RAD51B: variants seen among roughly 807,000 people sequenced by gnomAD.
The protein encoded by RAD51B is RAD51 paralog B.
Under a neutral mutation model 42.2 loss-of-function variants are expected in RAD51B, and 38 were observed. The observed-to-expected ratio is 0.90, with a 90% confidence interval of 0.70 to 1.18. RAD51B has a LOEUF of 1.18. RAD51B is among the 50% of genes most tolerant of loss of function. The pLI is 0.00. For synonymous variants in RAD51B, 154 were observed against 145.2 expected (o/e 1.06, Z -0.43); for missense variants, 373 against 400.7 (o/e 0.93, Z 0.59).
intron 7 of RAD51B, among the ~76,000 whole-genome samples, chr14:68,047,354 C>G (rs2076319076): frequency 1.3e-5 from 2 of 152,008 alleles, no homozygotes; most frequent in South Asian, 4.2e-4. Context: ...GGCAATAAAG[C>G]CTTCTATCTG....
rs182711282 is a variant in RAD51B, at chr14:68,023,722, C to T, written c.756+136518C>T. Among the ~76,000 whole-genome samples, 455 of 152,152 alleles carry T rather than the reference C, an allele frequency of 3.0e-3. 3 individuals are homozygous for T. The highest frequency in any genetic ancestry group is 5.3e-3 in the Non-Finnish European group (358 of 67,994). Reference sequence around the variant, plus strand: ...TTTTGCTTGTTGAATTGTTTAAATTCCTTATAGATTCTGGATATTAGACCT... The same window carrying T: ...TTTTGCTTGTTGAATTGTTTAAATTTCTTATAGATTCTGGATATTAGACCT... On this transcript the variant is annotated intron_variant, in intron 7 of 10. Coordinates refer to ENST00000471583, the MANE Select transcript of RAD51B (RefSeq NM_133510.4).
chr14:68,430,641 A>G (rs1161899642), intron 9 of RAD51B, among the ~76,000 whole-genome samples: 1 of 152,186 alleles, frequency 6.6e-6, no homozygotes, highest in Non-Finnish European at 1.5e-5. Context: ...GCTTAAGGAG[A>G]TTTTAGGCTG....
intron 7 of RAD51B, among the ~76,000 whole-genome samples, chr14:68,075,514 A>G (rs1001732582): frequency 2.3e-4 from 35 of 152,166 alleles, no homozygotes; most frequent in African/African-American, 8.2e-4. Context: ...GACAAGGAAG[A>G]GAGACTGGGC....
Position 67,894,777 on chromosome 14 carries a change from T to A in RAD51B, c.756+7573T>A, listed in dbSNP as rs2043352792. Among the ~76,000 whole-genome samples, 6 of 152,232 alleles carry A rather than the reference T, an allele frequency of 3.9e-5. No individual in the cohort carries two copies. The South Asian group carries it at 1.2e-3, about 32-fold the overall frequency. On this transcript the variant is annotated intron_variant, in intron 7 of 10. Transcript: ENST00000471583. ...CTAGCTTTGGTCCTTAAATGTCCCATTCTTTTTTTCTTTTTATTTTTTGAG... is the reference window on the plus strand; with the variant it reads ...CTAGCTTTGGTCCTTAAATGTCCCAATCTTTTTTTCTTTTTATTTTTTGAG...
chr14:68,536,632 A>C (rs1887634673), intron 10 of RAD51B, among the ~76,000 whole-genome samples: 1 of 152,244 alleles, frequency 6.6e-6, no homozygotes, highest in Admixed American at 6.5e-5. Context: ...GTCTACCTCT[A>C]CAGCTTGAAG....
intron 7 of RAD51B, among the ~76,000 whole-genome samples, chr14:68,262,156 CGTGT>C (rs2080903616): frequency 2.0e-5 from 3 of 151,972 alleles, no homozygotes; most frequent in Admixed American, 2.0e-4. Context: ...TGTGCACACA[CGTGT>C]ATTTGTGATG....
chr14:68,536,341 C>T (rs1341727704), intron 10 of RAD51B, among the ~76,000 whole-genome samples: 1 of 152,208 alleles, frequency 6.6e-6, no homozygotes, highest in Non-Finnish European at 1.5e-5. Flanking sequence ...TGGCAGCCAC[C>T]ATTCCCAACC....
chr14:67,904,843 A>G (rs2043730363), intron 7 of RAD51B, among the ~76,000 whole-genome samples: 1 of 151,104 alleles, frequency 6.6e-6, no homozygotes, highest in Non-Finnish European at 1.5e-5. Context: ...TAGTTTGCAA[A>G]TATTTTCTCC....
At chr14:67,950,967 A>G (rs1455507334) in intron 7 of RAD51B, among the ~76,000 whole-genome samples, 1 of 152,216 alleles carries the variant, frequency 6.6e-6, no homozygotes, top group African/African-American at 2.4e-5. Flanking sequence ...AGACTTATCT[A>G]TTAGGTTTGA....
chr14:67,861,452 A>G (rs2042158972), intron 4 of RAD51B, among the ~76,000 whole-genome samples: 1 of 151,902 alleles, frequency 6.6e-6, no homozygotes, highest in Non-Finnish European at 1.5e-5. Flanking sequence ...CAGCCTGGGC[A>G]ACATGGTGAA....
At chr14:68,445,445 G>A (rs1343825673) in intron 9 of RAD51B, among the ~76,000 whole-genome samples, 1 of 152,158 alleles carries the variant, frequency 6.6e-6, no homozygotes, top group Non-Finnish European at 1.5e-5. Flanking sequence ...CTAAAGTGCT[G>A]TGCATGTATT....
chr14:68,100,374 G>T (rs2077267939), intron 7 of RAD51B, among the ~76,000 whole-genome samples: 1 of 152,116 alleles, frequency 6.6e-6, no homozygotes, highest in Admixed American at 6.5e-5. Flanking sequence ...TAGAGACAGG[G>T]TCTCACTGTG....
intron 7 of RAD51B, among the ~76,000 whole-genome samples, chr14:68,105,947 CA>C (rs1483879499): frequency 6.6e-6 from 1 of 151,802 alleles, no homozygotes; most frequent in Non-Finnish European, 1.5e-5. Flanking sequence ...GCTTTTAAAC[CA>C]ATTAGTTAGT....
chr14:68,252,325 T>C (rs1375793594), intron 7 of RAD51B, among the ~76,000 whole-genome samples: 2 of 152,208 alleles, frequency 1.3e-5, no homozygotes. Flanking sequence ...ATTATATGAA[T>C]GGAAGAGGGA....
rs144105129 is a variant in RAD51B at position 68,498,098 on chromosome 14, A to G, written c.1036+29848A>G. On this transcript the variant is annotated intron_variant, in intron 10 of 10. Transcript: ENST00000487270. ...TTGAAGAACTGCAATACTATTCTCCACATGGCTGAATCATTTTGTATTTCC... is the reference window on the plus strand; with the variant it reads ...TTGAAGAACTGCAATACTATTCTCCGCATGGCTGAATCATTTTGTATTTCC... 4.1e-3 allele frequency among the ~76,000 whole-genome samples: 631 copies of G among 152,374 alleles called. 11 individuals carry two copies. The highest frequency in any genetic ancestry group is 0.015 in the African/African-American group (606 of 41,586).
At chr14:67,995,205 G>A (rs1052909995) in intron 7 of RAD51B, among the ~76,000 whole-genome samples, 2 of 151,992 alleles carry the variant, frequency 1.3e-5, no homozygotes, top group East Asian at 1.9e-4. Flanking sequence ...GGCCAACATG[G>A]TGAAGCCCCA....
chr14:67,824,214 T>C (rs988171945), intron 2 of RAD51B, among the ~76,000 whole-genome samples: 2 of 151,986 alleles, frequency 1.3e-5, no homozygotes, highest in African/African-American at 4.8e-5. Flanking sequence ...CACACACCAC[T>C]GTGCCTGGCT....
chr14:68,356,207 C>T (rs942116246), intron 8 of RAD51B, among the ~76,000 whole-genome samples: 15 of 152,094 alleles, frequency 9.9e-5, no homozygotes, highest in Non-Finnish European at 1.6e-4. Context: ...CCGAGGTGGG[C>T]GGATCACAAG....
intron 7 of RAD51B, among the ~76,000 whole-genome samples, chr14:67,890,890 A>G (rs1431356468): frequency 6.6e-6 from 1 of 152,100 alleles, no homozygotes; most frequent in African/African-American, 2.4e-5. Context: ...TGACCTTTGT[A>G]GTATGCCATC....
Sources: allele counts gnomAD v4.1 joint callset (sites outside exome capture counted in the v4.1 genomes callset), GRCh38; gene constraint gnomAD v4.1.1; transcripts MANE v1.5; gene names NCBI Gene and HGNC (gene_info 2026-07-23, HGNC 2026-07-21).